Variants in CCDC93 observed in about 807,000 individuals in gnomAD.
CCDC93 encodes the protein coiled-coil domain-containing protein 93.
Under a neutral mutation model 108.2 loss-of-function variants are expected in CCDC93, and 61 were observed. That is an observed-to-expected ratio of 0.56 (90% confidence interval 0.46 to 0.70). The LOEUF (loss-of-function observed/expected upper bound fraction) is 0.70. Ranked by LOEUF, CCDC93 falls within the 30% of genes least tolerant of loss-of-function variation. The pLI, the probability that CCDC93 is intolerant of heterozygous loss-of-function variation, is 0.00. For synonymous variants in CCDC93, 276 were observed against 260.4 expected, an observed-to-expected ratio of 1.06 and a Z score of -0.58; for missense variants, 685 against 764.2, an observed-to-expected ratio of 0.90 and a Z score of 1.22.
intron 23 of CCDC93, among the ~76,000 whole-genome samples, chr2:117,926,640 CAAA>C (rs1349888221): frequency 6.6e-6 from 1 of 152,080 alleles, no homozygotes; most frequent in East Asian, 1.9e-4. Context: ...GCTTACCAAC[CAAA>C]AAAAGTCCAG....
At chr2:117,942,514 T>C (rs988720480) in intron 18 of CCDC93, among the ~76,000 whole-genome samples, 1 of 152,134 alleles carries the variant, frequency 6.6e-6, no homozygotes, top group Non-Finnish European at 1.5e-5. Context: ...CAGGGACACA[T>C]CTAATGGACA....
intron 4 of CCDC93, chr2:117,997,308 G>A (rs1489842552): frequency 1.3e-5 from 2 of 152,204 alleles, no homozygotes; most frequent in Admixed American, 6.5e-5. Flanking sequence ...GGTGTAAAGT[G>A]TAAAAAGAAC....
intron 18 of CCDC93, among the ~76,000 whole-genome samples, chr2:117,942,171 T>A (rs1203089180): frequency 6.6e-6 from 1 of 152,216 alleles, no homozygotes; most frequent in Non-Finnish European, 1.5e-5. Flanking sequence ...ACGCTCCCCA[T>A]GGGTGCTCAG....
In CCDC93 at chr2:118,006,713, A is replaced by C. The variant is rs758247447; in HGVS notation, c.251+9T>G. The C allele has an allele frequency of 6.4e-7, 1 of 1,571,020 alleles. No homozygotes were observed. Among genetic ancestry groups the C allele is most frequent in the Non-Finnish European group, 8.8e-7 (1 of 1,140,808 alleles). ...TCCCCACCTTTAGGTTTTCCATAGAAAAACTTACATTTTTTGACCTATCGT... is the reference window on the plus strand; with the variant it reads ...TCCCCACCTTTAGGTTTTCCATAGACAAACTTACATTTTTTGACCTATCGT... On this transcript the variant is annotated intron_variant, in intron 3 of 23. Transcript: ENST00000376300.
chr2:117,921,953 G>C (rs1332196251), intron 23 of CCDC93: 1 of 151,898 alleles, frequency 6.6e-6, no homozygotes, highest in Non-Finnish European at 1.5e-5. Flanking sequence ...GAAATAAGGT[G>C]ATGCTGGGTT....
Position 117,920,265 on chromosome 2 carries a change from G to A in CCDC93, c.*78C>T. ...CTGCATCTCTCTACTGTCGCTTTCA[G>A]AACCATTTCATGATCTTGTAGGTGA... On this transcript the variant is annotated 3_prime_UTR_variant, in exon 24 of 24. Coordinates refer to ENST00000376300, the MANE Select transcript of CCDC93 (RefSeq NM_019044.5). The A allele has an allele frequency of 1.0e-6, 1 of 955,846 alleles. No individual in the cohort carries two copies. Among genetic ancestry groups the A allele is most frequent in the Non-Finnish European group, 1.6e-6 (1 of 610,326 alleles). The allele number at this position is 955,846 out of a possible 1,614,324, so 59.2% of individuals were successfully genotyped here. A position where few individuals can be genotyped will look rare whatever the true frequency, so the allele number is the denominator to read the frequency against.
rs370443790 is a variant in CCDC93 at position 117,974,006 on chromosome 2, T to C, written c.802-12A>G. 7 of 1,578,280 alleles carry C rather than the reference T, an allele frequency of 4.4e-6. No homozygotes were observed. The South Asian group carries it at 5.7e-5, about 13-fold the overall frequency. ...GCGGTGAGACGGCTCTGCAAGTATA[T>C]GGAGGGAATGTTCTCAAGGCCAAGC... On this transcript the variant is annotated splice_polypyrimidine_tract_variant and intron_variant, in intron 10 of 23. Coordinates refer to ENST00000376300, the MANE Select transcript of CCDC93 (RefSeq NM_019044.5).
chr2:117,975,021 T>A, intron 9 of CCDC93, 121 bp from the exon 10 acceptor site: 1 of 1,066,616 alleles, frequency 9.4e-7, no homozygotes, highest in South Asian at 1.4e-5. Flanking sequence ...TCGTCTTATG[T>A]GAGCCTCAAA....
chr2:117,941,169 T>C lies in CCDC93; in HGVS notation c.1522+20A>G, dbSNP rs762373847. ...GTCCCTTCCCAGCCTCAAGAGCTTG[T>C]CTGTGGTCAATGCACCTACTCTGGC... On this transcript the variant is annotated intron_variant, in intron 19 of 23. Coordinates refer to ENST00000376300, the MANE Select transcript of CCDC93 (RefSeq NM_019044.5). 11 of 1,552,664 alleles carry C rather than the reference T, an allele frequency of 7.1e-6. No homozygotes were observed.
intron 7 of CCDC93, among the ~76,000 whole-genome samples, chr2:117,980,682 AT>A (rs1208540155): frequency 2.6e-5 from 4 of 152,252 alleles, no homozygotes; most frequent in Non-Finnish European, 4.4e-5. Flanking sequence ...CTTTAAAAAA[AT>A]ATTTTAAAAA....
At chr2:117,923,416 C>G (rs1457823436) in intron 23 of CCDC93, among the ~76,000 whole-genome samples, 1 of 152,190 alleles carries the variant, frequency 6.6e-6, no homozygotes, top group African/African-American at 2.4e-5. Flanking sequence ...CACTCCCACC[C>G]TAATACTGTG....
intron 1 of CCDC93, among the ~76,000 whole-genome samples, chr2:118,009,917 T>C (rs899730382): frequency 2.0e-5 from 3 of 152,122 alleles, no homozygotes; most frequent in African/African-American, 7.2e-5. Flanking sequence ...TTTTTTTGTT[T>C]TTTTGTTGCT....
At chr2:117,938,752 A>G (rs1678603479) in intron 20 of CCDC93, among the ~76,000 whole-genome samples, 1 of 152,142 alleles carries the variant, frequency 6.6e-6, no homozygotes, top group African/African-American at 2.4e-5. Context: ...AACTAGTCTC[A>G]CCAACTCCAG....
chr2:118,013,615 T>TG (rs1454558440), intron 1 of CCDC93, among the ~76,000 whole-genome samples: 3 of 151,500 alleles, frequency 2.0e-5, no homozygotes, highest in Non-Finnish European at 4.4e-5. Context: ...CGGCGCGGGG[T>TG]GGGGGAGCCC....
At chr2:117,964,503 C>G (rs1679492986) in intron 11 of CCDC93, among the ~76,000 whole-genome samples, 1 of 152,012 alleles carries the variant, frequency 6.6e-6, no homozygotes, top group Non-Finnish European at 1.5e-5. Context: ...TCCTGGGAGA[C>G]AAGCAAAGAA....
intron 2 of CCDC93, 139 bp downstream of exon 2, chr2:118,008,406 T>C (rs1676934767): frequency 1.6e-6 from 1 of 614,678 alleles, no homozygotes. Flanking sequence ...AACACTTCCA[T>C]AATGAATCTG....
At position 117,931,096 on chromosome 2, in the gene CCDC93, A is replaced by G. The variant is rs1678311605; in HGVS notation, c.1783T>C (p.Tyr595His). 1 of 1,613,904 alleles carries G rather than the reference A, an allele frequency of 6.2e-7. No individual in the cohort carries two copies. The highest frequency in any genetic ancestry group is 1.1e-5 in the South Asian group (1 of 91,076). The part of the protein sequence containing the change: ...KMRRDQLNDQ[Y>H]LELLEKQRLY... ...CTCTGCTTTTCTAACAGCTCCAAGT[A>G]CTGGTCGTTCAACTGGTCTCTTCTC... The change falls in exon 23 of 24, where the codon TAC (tyrosine) becomes CAC (histidine). Residue 595 changes from tyrosine to histidine, a missense_variant. Transcript: ENST00000376300.
chr2:117,972,873 T>C (rs1272675949), intron 11 of CCDC93, among the ~76,000 whole-genome samples: 1 of 152,200 alleles, frequency 6.6e-6, no homozygotes, highest in Non-Finnish European at 1.5e-5. Flanking sequence ...CAGGACACTC[T>C]GGATTCTATG....
chr2:118,006,898 T>C, intron 2 of CCDC93, 82 bp from the exon 3 acceptor site: 1 of 788,236 alleles, frequency 1.3e-6, no homozygotes. Flanking sequence ...GGATTATAAA[T>C]AGCTCTAATA....
Sources: allele counts gnomAD v4.1 joint callset (sites outside exome capture counted in the v4.1 genomes callset), GRCh38; gene constraint gnomAD v4.1.1; transcripts MANE v1.5; gene names NCBI Gene and HGNC (gene_info 2026-07-23, HGNC 2026-07-21).